Variants in BCL6B observed in about 807,000 individuals in gnomAD.
BCL6B encodes the protein BCL6B transcription repressor, also known as B-cell CLL/lymphoma 6 member B protein.
Under a neutral mutation model 44.6 loss-of-function variants are expected in BCL6B, and 28 were observed. That is an observed-to-expected ratio of 0.63 (90% confidence interval 0.47 to 0.86). The LOEUF (loss-of-function observed/expected upper bound fraction) is 0.86, where lower values mean the gene tolerates loss of function less well. Ranked by LOEUF, BCL6B falls within the 40% of genes least tolerant of loss-of-function variation. The pLI, the probability that BCL6B is intolerant of heterozygous loss-of-function variation, is 0.00. For missense variants in BCL6B, 626 were observed against 652.3 expected, an observed-to-expected ratio of 0.96 and a Z score of 0.44; for synonymous variants, 268 against 263.6, an observed-to-expected ratio of 1.02 and a Z score of -0.16.
In BCL6B at chr17:7,023,650, G is replaced by A; in HGVS notation, c.-12-10G>A. 6.2e-7 allele frequency: 1 copy of A among 1,600,136 alleles called. No homozygotes were observed. Among genetic ancestry groups the A allele is most frequent in the Non-Finnish European group, 8.5e-7 (1 of 1,173,162 alleles). ...GCCTGGATCCAGAGCACTTTCCACG[G>A]CCTCTACAGGCCTGTGTCGCTATGG... On this transcript the variant is annotated splice_polypyrimidine_tract_variant and intron_variant, in intron 1 of 8. Coordinates refer to ENST00000293805, the MANE Select transcript of BCL6B (RefSeq NM_181844.4).
rs1173999479 is a variant in BCL6B at position 7,026,447 on chromosome 17, C to T, written c.890-10C>T. ...TAACTATGGTTGCCGTCACCCATTCCCCTTCCCAGGAAGTGAATTTTTCAG... is the reference window on the plus strand; with the variant it reads ...TAACTATGGTTGCCGTCACCCATTCTCCTTCCCAGGAAGTGAATTTTTCAG... On this transcript the variant is annotated splice_polypyrimidine_tract_variant and intron_variant, in intron 5 of 8. Transcript: ENST00000293805. The T allele has an allele frequency of 6.2e-7, 1 of 1,613,370 alleles. No individual in the cohort carries two copies. Among genetic ancestry groups the T allele is most frequent in the East Asian group, 2.2e-5 (1 of 44,894 alleles).
At chr17:7,025,255 G>C in intron 5 of BCL6B, 55 bp downstream of exon 5, 2 of 1,600,792 alleles carry the variant, frequency 1.2e-6, no homozygotes, top group Admixed American at 1.7e-5. Flanking sequence ...GCAAGTTTGT[G>C]CCAAAAACTC....
chr17:7,027,720 C>G lies in BCL6B; in HGVS notation c.*101C>G. 6.5e-7 allele frequency: 1 copy of G among 1,542,190 alleles called. No homozygotes were observed. Among genetic ancestry groups the G allele is most frequent in the Non-Finnish European group, 8.7e-7 (1 of 1,150,278 alleles). Reference sequence around the variant, plus strand: ...GCTTGGGCATAGGGGTGTGCCAGGCCACTTTGGTATCAGAAATTGCCACCC... The same window carrying G: ...GCTTGGGCATAGGGGTGTGCCAGGCGACTTTGGTATCAGAAATTGCCACCC... On this transcript the variant is annotated 3_prime_UTR_variant, in exon 9 of 9. Coordinates refer to ENST00000293805, the MANE Select transcript of BCL6B (RefSeq NM_181844.4).
rs1452832847 is a variant in BCL6B at position 7,024,695 on chromosome 17, G to C, written c.696G>C (p.Glu232Asp). The change falls in exon 4 of 9, where the codon GAG (glutamate) becomes GAC (aspartate). Residue 232 changes from glutamate (E) to aspartate (D), a missense_variant. Coordinates refer to ENST00000293805, the MANE Select transcript of BCL6B (RefSeq NM_181844.4). The surrounding 1 kb of genome is among the most constrained non-coding windows in gnomAD (Gnocchi z 6.6). Reference protein sequence around the residue: ...CPQARLPSGDEASSSSSSSSS... With the variant: ...CPQARLPSGDDASSSSSSSSS... The stretch of plus-strand genomic sequence containing the variant: ...AAGCCAGGCTCCCCAGTGGAGACGA[G>C]GCCTCCAGCAGCAGCAGCAGCAGCA... 1.5e-5 allele frequency: 22 copies of C among 1,508,808 alleles called. No homozygotes were observed. The highest frequency in any genetic ancestry group is 1.9e-5 in the Non-Finnish European group (21 of 1,101,910). 93.5% of individuals were successfully genotyped at this position (1,508,808 alleles called of 1,614,324 possible).
In BCL6B at chr17:7,025,023, C is replaced by T. The variant is rs545579422; in HGVS notation, c.765-53C>T. ...GCTCCAAATTTCCCAGGAGAGAACC[C>T]CCACCCCTCAACCGTACAATCTCTT... is the stretch of plus-strand genomic sequence containing the variant. On this transcript the variant is annotated intron_variant, in intron 4 of 8. Coordinates refer to ENST00000293805, the MANE Select transcript of BCL6B (RefSeq NM_181844.4). 1.7e-4 allele frequency: 270 copies of T among 1,586,092 alleles called. 3 individuals are homozygous for T. In the South Asian group the frequency reaches 2.8e-3, roughly 17 times the overall value.
At position 7,027,778 on chromosome 17, in the gene BCL6B, C is replaced by CATTA. The variant is rs1910341448; in HGVS notation, c.*160_*161insTTAA. 6.9e-7 allele frequency: 1 copy of CATTA among 1,447,454 alleles called. No homozygotes were observed. The highest frequency in any genetic ancestry group is 9.0e-7 in the Non-Finnish European group (1 of 1,105,204). The allele number at this position is 1,447,454 out of a possible 1,614,324, so 89.7% of individuals were successfully genotyped here. On this transcript the variant is annotated 3_prime_UTR_variant, in exon 9 of 9. Coordinates refer to ENST00000293805, the MANE Select transcript of BCL6B (RefSeq NM_181844.4). The stretch of plus-strand genomic sequence containing the variant: ...TTCTCACTGGGGAGAGCAGGGGTGG[C>CATTA]AGATCCTGGCTAGATCTGCCTCTGT...
At position 7,028,375 on chromosome 17, in the gene BCL6B, T is replaced by C; in HGVS notation, c.*756T>C. The stretch of plus-strand genomic sequence containing the variant: ...AGAAATGGATACAGACATTTCTCTG[T>C]TCTTCAAGGGTGATAGGAACCATTA... On this transcript the variant is annotated 3_prime_UTR_variant, in exon 9 of 9. Transcript: ENST00000293805. 1 of 985,524 alleles carries C rather than the reference T, an allele frequency of 1.0e-6. No homozygotes were observed. Among genetic ancestry groups the C allele is most frequent in the Non-Finnish European group, 1.2e-6 (1 of 829,950 alleles). 61.0% of individuals were successfully genotyped at this position (985,524 alleles called of 1,614,324 possible).
rs771002815 is a variant in BCL6B at position 7,026,635 on chromosome 17, G to C, written c.1054+14G>C. On this transcript the variant is annotated intron_variant, in intron 6 of 8. Coordinates refer to ENST00000293805, the MANE Select transcript of BCL6B (RefSeq NM_181844.4). ...CAGTGCACACAGGTAGGGGAAGAGA[G>C]GGCCCTGGCCTTCAAGCCCACAGCT... 3 of 1,614,054 alleles carry C rather than the reference G, an allele frequency of 1.9e-6. No homozygotes were observed. The highest frequency in any genetic ancestry group is 2.2e-5 in the East Asian group (1 of 44,880).
In BCL6B at chr17:7,028,640, T is replaced by C. The variant is rs1191809848; in HGVS notation, c.*1021T>C. The C allele has an allele frequency of 3.0e-6, 3 of 985,366 alleles. No homozygotes were observed. Among genetic ancestry groups the C allele is most frequent in the African/African-American group, 3.5e-5 (2 of 57,246 alleles). The allele number at this position is 985,366 out of a possible 1,614,324, so 61.0% of individuals were successfully genotyped here. On this transcript the variant is annotated 3_prime_UTR_variant, in exon 9 of 9. Coordinates refer to ENST00000293805, the MANE Select transcript of BCL6B (RefSeq NM_181844.4). ...TCCATCATCCTCCCACGGGGGCCTG[T>C]TCTTAGCACTGAGTTGATCGCTCCA...
rs907021297 is a variant in BCL6B, at chr17:7,024,488, C to G, written c.489C>G (p.Arg163=). 2.8e-5 allele frequency: 45 copies of G among 1,613,736 alleles called. No individual in the cohort carries two copies. The highest frequency in any genetic ancestry group is 3.5e-5 in the Non-Finnish European group (41 of 1,179,972). The change falls in exon 4 of 9, where the codon CGC becomes CGG. Residue 163 remains arginine (R), a synonymous_variant. Transcript: ENST00000293805. The surrounding 1 kb of genome is among the most constrained non-coding windows in gnomAD (Gnocchi z 6.6). The part of the protein sequence containing the change: ...PTAPPPGSPR[R]SEGHPDPPTE... ...CCCCTCCACCAGGTAGTCCCAGGCG[C>G]TCCGAAGGACACCCAGACCCACCTA...
chr17:7,024,692 C>G lies in BCL6B; in HGVS notation c.693C>G (p.Asp231Glu). The stretch of plus-strand genomic sequence containing the variant: ...CCCAAGCCAGGCTCCCCAGTGGAGA[C>G]GAGGCCTCCAGCAGCAGCAGCAGCA... ...PCPQARLPSGDEASSSSSSSS... is the reference protein window; with the variant it reads ...PCPQARLPSGEEASSSSSSSS... Residue 231 changes from aspartate (D) to glutamate (E), a missense_variant, in exon 4 of 9, where the codon GAC becomes GAG. Asp to Glu is a conservative substitution (Grantham distance 45). Coordinates refer to ENST00000293805, the MANE Select transcript of BCL6B (RefSeq NM_181844.4). This position sits in a 1 kb window ranked among gnomAD's most constrained non-coding sequence, Gnocchi z 6.6. The G allele has an allele frequency of 1.3e-6, 2 of 1,594,420 alleles. No homozygotes were observed. The highest frequency in any genetic ancestry group is 1.1e-5 in the South Asian group (1 of 89,796).
rs1175651684 is a variant in BCL6B, at chr17:7,028,660, G to A, written c.*1041G>A. On this transcript the variant is annotated 3_prime_UTR_variant, in exon 9 of 9. Coordinates refer to ENST00000293805, the MANE Select transcript of BCL6B (RefSeq NM_181844.4). Reference sequence around the variant, plus strand: ...GCCTGTTCTTAGCACTGAGTTGATCGCTCCATGGGGGAGAGATCAGACATT... The same window carrying A: ...GCCTGTTCTTAGCACTGAGTTGATCACTCCATGGGGGAGAGATCAGACATT... 3.2e-5 allele frequency: 32 copies of A among 985,418 alleles called. No individual in the cohort carries two copies. In the Admixed American group the frequency reaches 6.1e-4, roughly 19 times the overall value. 61.0% of individuals were successfully genotyped at this position (985,418 alleles called of 1,614,324 possible).
rs759678478 is a variant in BCL6B at position 7,025,199 on chromosome 17, G to A, written c.888G>A (p.Pro296=). 65 of 1,613,564 alleles carry A rather than the reference G, an allele frequency of 4.0e-5. No individual in the cohort carries two copies. The highest frequency in any genetic ancestry group is 1.6e-4 in the Middle Eastern group (1 of 6,082). ...CCTCTGAACGGGCTCGTCCACTACC[G>A]GGTAAGAGCCCCTCTTTCTTGGCTT... ...GSPSERARPL[P]GSEFFSCQNC... The change falls in exon 5 of 9, where the codon CCG becomes CCA. Residue 296 remains proline (P), a splice_region_variant and synonymous_variant. Coordinates refer to ENST00000293805, the MANE Select transcript of BCL6B (RefSeq NM_181844.4).
rs1910390645 is a variant in BCL6B at position 7,029,312 on chromosome 17, G to C, written c.*1693G>C. The C allele has an allele frequency of 2.0e-6, 2 of 988,600 alleles. No homozygotes were observed. The highest frequency in any genetic ancestry group is 1.1e-4 in the East Asian group (1 of 8,870). 61.2% of individuals were successfully genotyped at this position (988,600 alleles called of 1,614,324 possible). ...CGCTGAAGCCTTGATTGATAGTTCT[G>C]CCCCTTGTTGCCCTGGGGCTTATCT... On this transcript the variant is annotated 3_prime_UTR_variant, in exon 9 of 9. Coordinates refer to ENST00000293805, the MANE Select transcript of BCL6B (RefSeq NM_181844.4).
chr17:7,024,410 TCTGGGCATCTCC>T lies in BCL6B; in HGVS notation c.415_426del (p.Gly139_Leu142del), dbSNP rs750225968. On this transcript the variant is annotated inframe_deletion, in exon 4 of 9. Transcript: ENST00000293805. This position sits in a 1 kb window ranked among gnomAD's most constrained non-coding sequence, Gnocchi z 6.6. The stretch of plus-strand genomic sequence containing the variant: ...ATCACACTTTCCCCAGCTATGAACC[TCTGGGCATCTCC>T]CTGCGCCCCCTGGAAGCAGAACCCC... 1.9e-5 allele frequency: 30 copies of T among 1,613,256 alleles called. No individual in the cohort carries two copies. The African/African-American group carries it at 4.0e-4, about 22-fold the overall frequency.
rs752348909 is a variant in BCL6B at position 7,027,225 on chromosome 17, G to A, written c.1323+138G>A. On this transcript the variant is annotated intron_variant, in intron 8 of 8. Transcript: ENST00000293805. ...TGGCCGGAAGAGTCCAAGCAAATAA[G>A]GGGTGGAGGCTGGGAGTCAGGATGG... 2.4e-6 allele frequency: 3 copies of A among 1,242,638 alleles called. No individual in the cohort carries two copies. The African/African-American group carries it at 4.5e-5, about 19-fold the overall frequency. The allele number at this position is 1,242,638 out of a possible 1,614,324, so 77.0% of individuals were successfully genotyped here. A position where few individuals can be genotyped will look rare whatever the true frequency, so the allele number is the denominator to read the frequency against.
intron 2 of BCL6B, 34 bp downstream of exon 2, chr17:7,023,884 G>T: frequency 6.2e-7 from 1 of 1,603,946 alleles, no homozygotes; most frequent in Non-Finnish European, 8.5e-7. Context: ...GGGGCCAAAT[G>T]GGAAAGGGGT....
In BCL6B at chr17:7,027,926, G is replaced by T; in HGVS notation, c.*307G>T. 1 of 1,172,856 alleles carries T rather than the reference G, an allele frequency of 8.5e-7. No individual in the cohort carries two copies. The highest frequency in any genetic ancestry group is 1.1e-6 in the Non-Finnish European group (1 of 946,074). 72.7% of individuals were successfully genotyped at this position (1,172,856 alleles called of 1,614,324 possible). ...CTAAGGGAATAGCCCTCCACCTGTG[G>T]CCCCCATTGCATTCAGTTTATCTGT... is the stretch of plus-strand genomic sequence containing the variant. On this transcript the variant is annotated 3_prime_UTR_variant, in exon 9 of 9. Coordinates refer to ENST00000293805, the MANE Select transcript of BCL6B (RefSeq NM_181844.4).
chr17:7,029,631 G>A lies in BCL6B; in HGVS notation c.*2012G>A. ...AACATCAGATCCTTGGAATAAAGAAGCCTCTCTGTGCTGCCTGCTGTGTCC... is the reference window on the plus strand; with the variant it reads ...AACATCAGATCCTTGGAATAAAGAAACCTCTCTGTGCTGCCTGCTGTGTCC... On this transcript the variant is annotated 3_prime_UTR_variant, in exon 9 of 9. Transcript: ENST00000293805. 1.7e-6 allele frequency: 2 copies of A among 1,187,036 alleles called. No individual in the cohort carries two copies. Among genetic ancestry groups the A allele is most frequent in the Non-Finnish European group, 2.1e-6 (2 of 939,720 alleles). 73.5% of individuals were successfully genotyped at this position (1,187,036 alleles called of 1,614,324 possible).
Sources: gnomAD v4.1 joint callset for allele counts on GRCh38, gnomAD v4.1.1 for gene constraint, Gnocchi (gnomAD v3.1) non-coding constraint, MANE v1.5 for transcripts, NCBI Gene and HGNC (gene_info 2026-07-23, HGNC 2026-07-21) for gene names.